UPP2: variants seen among roughly 807,000 people sequenced by gnomAD.
UPP2 encodes uridine phosphorylase 2, also known as UPase 2.
In UPP2, 23 loss-of-function variants were observed where a neutral mutation model predicts 26.7. That is an observed-to-expected ratio of 0.86 (90% CI 0.62 to 1.22). UPP2 has a LOEUF of 1.22. Among genes scored for constraint, UPP2 ranks in the 50% most tolerant of loss-of-function variants. The pLI, the probability that UPP2 is intolerant of heterozygous loss-of-function variation, is 0.00. For missense variants in UPP2, 387 were observed against 396.7 expected (o/e 0.98, Z 0.21); for synonymous variants, 127 against 141.3 (o/e 0.90, Z 0.72).
At chr2:158,061,359 G>A (rs1227255512) in intron 3 of UPP2, among the ~76,000 whole-genome samples, 1 of 152,182 alleles carries the variant, frequency 6.6e-6, no homozygotes, top group Non-Finnish European at 1.5e-5. Flanking sequence ...TCAGTCACAA[G>A]GAGGCCCTGG....
At chr2:158,104,262 G>T (rs938326996) in intron 1 of UPP2, among the ~76,000 whole-genome samples, 1 of 152,136 alleles carries the variant, frequency 6.6e-6, no homozygotes, top group African/African-American at 2.4e-5. Flanking sequence ...TGATCAAGGA[G>T]AGAAGATGCT....
Position 158,068,191 on chromosome 2 carries a change from G to T in UPP2, c.148-33849G>T, listed in dbSNP as rs369006863. Among the ~76,000 whole-genome samples, 70 of 152,250 alleles carry T rather than the reference G, an allele frequency of 4.6e-4. 1 individual carries two copies. The South Asian group carries it at 0.014, about 31-fold the overall frequency. Reference sequence around the variant, plus strand: ...CAACCTCATCTGTTGGAAAGTAATGGCTCTGAAAATGCAAAAGAAGGGAGA... The same window carrying T: ...CAACCTCATCTGTTGGAAAGTAATGTCTCTGAAAATGCAAAAGAAGGGAGA... On this transcript the variant is annotated intron_variant, in intron 3 of 9. Coordinates refer to the UPP2 transcript ENST00000605860.
intron 3 of UPP2, among the ~76,000 whole-genome samples, chr2:158,055,581 A>G (rs1470137422): frequency 6.6e-6 from 1 of 152,190 alleles, no homozygotes; most frequent in Admixed American, 6.5e-5. Flanking sequence ...CTCTAAAAGT[A>G]TTCCCATAAC....
intron 3 of UPP2, among the ~76,000 whole-genome samples, chr2:158,048,923 G>A (rs1162659345): frequency 1.3e-5 from 2 of 152,144 alleles, no homozygotes; most frequent in African/African-American, 2.4e-5. Context: ...AGCAGAGCAG[G>A]CTTTTGAAAA....
At position 158,023,231 on chromosome 2, in the gene UPP2, G is replaced by GGGGC. The variant is rs1467630243; in HGVS notation, c.147+7348_147+7349insCGGG. The stretch of plus-strand genomic sequence containing the variant: ...TGAGGTCATGGGGTTGCTGTCAGTT[G>GGGGC]GGGGGGGGCATTTGGAAGGCTTTCA... On this transcript the variant is annotated intron_variant, in intron 3 of 9. Transcript: ENST00000605860. Among the ~76,000 whole-genome samples, 21 of 31,412 alleles carry GGGGC rather than the reference G, an allele frequency of 6.7e-4. 1 individual carries two copies. In the East Asian group the frequency reaches 9.0e-3, roughly 13 times the overall value. The allele number at this position is 31,412 out of a possible 152,430, so 20.6% of individuals were successfully genotyped here. A position where few individuals can be genotyped will look rare whatever the true frequency, so the allele number is the denominator to read the frequency against.
chr2:158,066,047 A>C (rs377003937), intron 3 of UPP2: 14 of 304,582 alleles, frequency 4.6e-5, no homozygotes, highest in African/African-American at 2.7e-4. Context: ...GTGGTCATAG[A>C]TACAACTGTT....
At chr2:158,063,773 C>T (rs1026294283) in intron 3 of UPP2, among the ~76,000 whole-genome samples, 7 of 152,180 alleles carry the variant, frequency 4.6e-5, no homozygotes, top group African/African-American at 1.2e-4. Context: ...CAGGTCTTGG[C>T]GTGTGATGTT....
intron 2 of UPP2, among the ~76,000 whole-genome samples, chr2:158,110,584 C>T (rs921440903): frequency 5.3e-5 from 8 of 152,256 alleles, no homozygotes; most frequent in South Asian, 2.1e-4. Context: ...CTTGAGGACT[C>T]GCCACACTGT....
At chr2:158,106,384 T>C (rs767045936) in intron 2 of UPP2, among the ~76,000 whole-genome samples, 168 bp downstream of exon 2, 1 of 152,180 alleles carries the variant, frequency 6.6e-6, no homozygotes, top group Non-Finnish European at 1.5e-5. Context: ...TGAACAATCA[T>C]TTCCACCTCA....
intron 6 of UPP2, among the ~76,000 whole-genome samples, chr2:158,125,920 TG>T (rs1450191883): frequency 2.0e-5 from 3 of 152,220 alleles, no homozygotes; most frequent in Non-Finnish European, 4.4e-5. Flanking sequence ...ACTTGAGTCA[TG>T]TCTCCACCTA....
At chr2:158,065,767 C>T in intron 3 of UPP2, 1 of 690,642 alleles carries the variant, frequency 1.4e-6, no homozygotes. Context: ...GATGATGGTG[C>T]ACCACCATCC....
At chr2:158,061,428 C>A (rs1161634483) in intron 3 of UPP2, among the ~76,000 whole-genome samples, 1 of 152,184 alleles carries the variant, frequency 6.6e-6, no homozygotes, top group Admixed American at 6.5e-5. Flanking sequence ...GCAAAGATTT[C>A]TTTTCTAAAG....
intron 3 of UPP2, among the ~76,000 whole-genome samples, chr2:158,047,993 CAG>C (rs1195217410): frequency 2.0e-5 from 3 of 147,812 alleles, no homozygotes; most frequent in Admixed American, 1.3e-4. Flanking sequence ...CAGTCCTGAG[CAG>C]AGAGTTCAGT....
intron 3 of UPP2, among the ~76,000 whole-genome samples, chr2:158,045,715 G>A (rs939388874): frequency 1.3e-5 from 2 of 152,170 alleles, no homozygotes; most frequent in Non-Finnish European, 2.9e-5. Context: ...CTCAGTAAGC[G>A]TGTTTTGATG....
intron 3 of UPP2, among the ~76,000 whole-genome samples, chr2:158,087,120 A>G (rs1281893202): frequency 2.6e-5 from 4 of 152,124 alleles, no homozygotes; most frequent in Non-Finnish European, 5.9e-5. Flanking sequence ...GTTGCCATCT[A>G]TATTATTTCT....
chr2:158,089,173 A>G lies in UPP2; in HGVS notation c.148-12867A>G, dbSNP rs1682865846. Among the ~76,000 whole-genome samples, 4 of 151,672 alleles carry G rather than the reference A, an allele frequency of 2.6e-5. No individual in the cohort carries two copies. The South Asian group carries it at 8.3e-4, about 32-fold the overall frequency. Reference sequence around the variant, plus strand: ...GTCTTGCAGTGGCTGCTGGGGGGATAGGGGTGTGGTTCTCAGGCCAATGGA... The same window carrying G: ...GTCTTGCAGTGGCTGCTGGGGGGATGGGGGTGTGGTTCTCAGGCCAATGGA... On this transcript the variant is annotated intron_variant, in intron 3 of 9. Transcript: ENST00000605860.
At chr2:157,999,796 A>G (rs926371501) in intron 2 of UPP2, among the ~76,000 whole-genome samples, 1 of 152,198 alleles carries the variant, frequency 6.6e-6, no homozygotes, top group East Asian at 1.9e-4. Flanking sequence ...GTTAAGAAAA[A>G]TTTTACATCT....
At chr2:158,032,581 G>C (rs1345645148) in intron 3 of UPP2, among the ~76,000 whole-genome samples, 1 of 152,088 alleles carries the variant, frequency 6.6e-6, no homozygotes, top group Non-Finnish European at 1.5e-5. Context: ...ACATGGGGGA[G>C]GTGCTGAAAC....
chr2:158,097,451 T>C (rs2105207014), upstream of UPP2, among the ~76,000 whole-genome samples: 1 of 152,288 alleles, frequency 6.6e-6, no homozygotes. Context: ...CAAGAAATTT[T>C]CCTCAGGCAA....
Sources: gnomAD v4.1 joint callset for allele counts (sites outside exome capture counted in the v4.1 genomes callset) on GRCh38, gnomAD v4.1.1 for gene constraint, MANE v1.5 for transcripts, NCBI Gene and HGNC (gene_info 2026-07-23, HGNC 2026-07-21) for gene names.